KALRN: variants seen among roughly 807,000 people sequenced by gnomAD.
KALRN encodes kalirin RhoGEF kinase.
A neutral mutation model predicts 353.7 loss-of-function variants in KALRN; 70 were observed. That is an observed-to-expected ratio of 0.20 (90% CI 0.16 to 0.24). KALRN has a LOEUF of 0.24. KALRN is among the 10% of genes least tolerant of loss of function. The pLI is 1.00. For missense variants in KALRN, 2,791 were observed against 3,756.7 expected, an observed-to-expected ratio of 0.74 and a Z score of 6.72; for synonymous variants, 1,391 against 1,434.8, an observed-to-expected ratio of 0.97 and a Z score of 0.69.
intron 21 of KALRN, among the ~76,000 whole-genome samples, chr3:124,447,635 C>G (rs1335576035): frequency 6.6e-6 from 1 of 152,192 alleles, no homozygotes; most frequent in Admixed American, 6.5e-5. Flanking sequence ...AAAACATATG[C>G]TCTTCCCAGG....
At chr3:124,436,997 C>A (rs1216726739) in intron 17 of KALRN, among the ~76,000 whole-genome samples, 1 of 147,314 alleles carries the variant, frequency 6.8e-6, no homozygotes, top group African/African-American at 2.5e-5. Context: ...GGTGACAGAT[C>A]TTCTCATGTG....
intron 51 of KALRN, among the ~76,000 whole-genome samples, chr3:124,692,006 CA>C (rs2061839612): frequency 6.6e-6 from 1 of 152,174 alleles, no homozygotes; most frequent in Admixed American, 6.5e-5. Flanking sequence ...TTGGTTTATC[CA>C]AGATCAGTTC....
In KALRN at chr3:124,325,982, T is replaced by C. The variant is rs771369987; in HGVS notation, c.1095T>C (p.Asn365=). ...GAGCACTCTCCTTTTCTTTCCAGAATGCCTATGTCAACATCAACCGCATCA... is the reference window on the plus strand; with the variant it reads ...GAGCACTCTCCTTTTCTTTCCAGAACGCCTATGTCAACATCAACCGCATCA... The part of the protein sequence containing the change: ...QHNHFAMNSM[N]AYVNINRIMS... Residue 365 remains asparagine, a splice_region_variant and synonymous_variant, in exon 7 of 60, where the codon AAT becomes AAC. Coordinates refer to ENST00000682506, the MANE Select transcript of KALRN (RefSeq NM_001388419.1). 1.2e-6 allele frequency: 2 copies of C among 1,612,196 alleles called. No homozygotes were observed. The highest frequency in any genetic ancestry group is 1.7e-5 in the Admixed American group (1 of 59,896).
intron 1 of KALRN, among the ~76,000 whole-genome samples, chr3:124,170,498 A>G (rs944668160): frequency 6.6e-6 from 1 of 152,168 alleles, no homozygotes; most frequent in Non-Finnish European, 1.5e-5. Context: ...CTGAATTTAG[A>G]TCATTTAGAG....
intron 3 of KALRN, among the ~76,000 whole-genome samples, chr3:124,251,982 C>G (rs2071240923): frequency 6.6e-6 from 1 of 152,242 alleles, no homozygotes; most frequent in African/African-American, 2.4e-5. Context: ...AGGTAGCAGA[C>G]TTTAAAAAGG....
intron 1 of KALRN, among the ~76,000 whole-genome samples, chr3:124,215,974 A>T (rs1198525431): frequency 1.3e-5 from 2 of 152,210 alleles, no homozygotes; most frequent in African/African-American, 4.8e-5. Context: ...CCTGGGGTCA[A>T]GTTGTCATCC....
At chr3:124,541,073 G>A (rs1437416574) in intron 33 of KALRN, among the ~76,000 whole-genome samples, 6 of 152,110 alleles carry the variant, frequency 3.9e-5, no homozygotes, top group African/African-American at 1.2e-4. Flanking sequence ...AATATAAGCC[G>A]TCTTTGGCGA....
chr3:124,465,430 T>G (rs2107767390), intron 25 of KALRN, among the ~76,000 whole-genome samples: 1 of 152,310 alleles, frequency 6.6e-6, no homozygotes, highest in African/African-American at 2.4e-5. Flanking sequence ...ATTTGCAGAC[T>G]TATGGCTAAT....
chr3:124,593,904 G>A (rs186696422), intron 34 of KALRN, among the ~76,000 whole-genome samples: 104 of 152,172 alleles, frequency 6.8e-4, no homozygotes, highest in Non-Finnish European at 1.3e-3. Flanking sequence ...TATTGCCCAG[G>A]CTGGTCTCTA....
At chr3:124,085,055 C>T (rs2060737175) in intron 1 of KALRN, among the ~76,000 whole-genome samples, 1 of 152,222 alleles carries the variant, frequency 6.6e-6, no homozygotes, top group African/African-American at 2.4e-5. Flanking sequence ...CACCTCCCAC[C>T]ACCTTCAGCT....
chr3:124,090,156 A>G (rs2061033092), intron 1 of KALRN, among the ~76,000 whole-genome samples: 1 of 151,974 alleles, frequency 6.6e-6, no homozygotes, highest in African/African-American at 2.4e-5. Context: ...TCAGTGCAAC[A>G]TGGGGGTTCT....
intron 1 of KALRN, among the ~76,000 whole-genome samples, chr3:124,081,862 C>T (rs1190818886): frequency 1.3e-5 from 2 of 152,202 alleles, no homozygotes; most frequent in Non-Finnish European, 2.9e-5. Context: ...TGTGCATTGA[C>T]ATGTAGTCAT....
chr3:124,546,429 A>C (rs1416605068), intron 33 of KALRN, among the ~76,000 whole-genome samples: 3 of 152,008 alleles, frequency 2.0e-5, no homozygotes, highest in Admixed American at 2.0e-4. Flanking sequence ...ATGCCACTGC[A>C]CTCCAGCCTG....
At position 124,577,899 on chromosome 3, in the gene KALRN, C is replaced by T. The variant is rs900677157; in HGVS notation, c.5182+14810C>T. On this transcript the variant is annotated intron_variant, in intron 34 of 59. Transcript: ENST00000682506. ...CAAACAAACAAACAAACAAAACCCC[C>T]CACCATATTTGGAGTTCAAATTAAA... 3.3e-5 allele frequency among the ~76,000 whole-genome samples: 5 copies of T among 152,126 alleles called. No individual in the cohort carries two copies. The South Asian group carries it at 8.3e-4, about 25-fold the overall frequency.
intron 1 of KALRN, among the ~76,000 whole-genome samples, chr3:124,148,204 C>A (rs1464216176): frequency 6.6e-6 from 1 of 152,126 alleles, no homozygotes; most frequent in Non-Finnish European, 1.5e-5. Flanking sequence ...ATGATTAATG[C>A]ATTTTTTGTT....
In KALRN at chr3:124,621,475, C is replaced by T. The variant is rs189220027; in HGVS notation, c.5183-10945C>T. On this transcript the variant is annotated intron_variant, in intron 34 of 59. Transcript: ENST00000682506. Reference sequence around the variant, plus strand: ...ATAGTAAGTGGGAGGCAGGGGTTTGCGCTATGCATTTGAGACTTGGGGATG... The same window carrying T: ...ATAGTAAGTGGGAGGCAGGGGTTTGTGCTATGCATTTGAGACTTGGGGATG... 2.0e-5 allele frequency among the ~76,000 whole-genome samples: 3 copies of T among 152,150 alleles called. No homozygotes were observed. The East Asian group carries it at 5.8e-4, about 29-fold the overall frequency.
At chr3:124,469,785 C>T (rs2060706083) in intron 25 of KALRN, among the ~76,000 whole-genome samples, 1 of 152,154 alleles carries the variant, frequency 6.6e-6, no homozygotes, top group Non-Finnish European at 1.5e-5. Flanking sequence ...CATTGACATA[C>T]AAGGTCATCA....
At chr3:124,440,179 A>T (rs890401941) in intron 18 of KALRN, among the ~76,000 whole-genome samples, 1 of 152,064 alleles carries the variant, frequency 6.6e-6, no homozygotes, top group African/African-American at 2.4e-5. Flanking sequence ...AGAGCTTATG[A>T]TGATTTTTTA....
At chr3:124,603,112 GC>G (rs1554047106) in intron 34 of KALRN, among the ~76,000 whole-genome samples, 1 of 152,034 alleles carries the variant, frequency 6.6e-6, no homozygotes, top group Non-Finnish European at 1.5e-5. Context: ...ACCCTCTGCC[GC>G]CAAAGCTCTT....
Sources: allele counts gnomAD v4.1 joint callset (sites outside exome capture counted in the v4.1 genomes callset), GRCh38; gene constraint gnomAD v4.1.1; transcripts MANE v1.5; gene names NCBI Gene and HGNC (gene_info 2026-07-23, HGNC 2026-07-21).